SHPRH: variants seen among roughly 807,000 people sequenced by gnomAD.
SHPRH encodes the protein SNF2 histone linker PHD RING helicase, also known as E3 ubiquitin-protein ligase SHPRH.
A neutral mutation model predicts 202.5 loss-of-function variants in SHPRH; 106 were observed. The observed-to-expected ratio is 0.52, with a 90% CI of 0.45 to 0.62. The LOEUF (loss-of-function observed/expected upper bound fraction) is 0.62, where lower values mean the gene tolerates loss of function less well. Among genes scored for constraint, SHPRH ranks in the 20% least tolerant of loss-of-function variants. SHPRH has a pLI of 0.00. For missense variants in SHPRH, 1,710 were observed against 2,020.0 expected, an observed-to-expected ratio of 0.85 and a Z score of 2.94; for synonymous variants, 729 against 686.0, an observed-to-expected ratio of 1.06 and a Z score of -0.98.
chr6:145,873,869 T>C (rs963858220), intron 2 of SHPRH, among the ~76,000 whole-genome samples: 9 of 152,114 alleles, frequency 5.9e-5, no homozygotes, highest in Non-Finnish European at 1.3e-4. Context: ...AAAATTAATA[T>C]CACAAAGTGA....
chr6:145,901,665 T>G, intron 25 of SHPRH, among the ~76,000 whole-genome samples: 1 of 152,130 alleles, frequency 6.6e-6, no homozygotes, highest in East Asian at 1.9e-4. Context: ...TAGGGAAGAC[T>G]GTACATGGGA....
chr6:145,899,842 G>A (rs1431923112), intron 25 of SHPRH, among the ~76,000 whole-genome samples: 1 of 151,990 alleles, frequency 6.6e-6, no homozygotes, highest in Non-Finnish European at 1.5e-5. Flanking sequence ...ATGGGCAAAG[G>A]ACCTGAAAAG....
intron 2 of SHPRH, among the ~76,000 whole-genome samples, chr6:145,878,249 C>T (rs375548100): frequency 1.6e-3 from 241 of 152,302 alleles, no homozygotes; most frequent in South Asian, 5.0e-3. Flanking sequence ...CACAACCTTT[C>T]CTACTATCAA....
chr6:145,926,416 T>C, intron 15 of SHPRH, 120 bp from the exon 16 acceptor site: 1 of 870,636 alleles, frequency 1.1e-6, no homozygotes, highest in Non-Finnish European at 1.8e-6. Flanking sequence ...ACCAAATACT[T>C]TTCCTATAAA....
chr6:145,940,699 A>G (rs1301639549), intron 11 of SHPRH, 24 bp downstream of exon 11: 3 of 1,608,548 alleles, frequency 1.9e-6, no homozygotes, highest in Non-Finnish European at 2.6e-6. Flanking sequence ...AATGCATGCA[A>G]TATGTGAGGA....
rs922405566 is a variant in SHPRH, at chr6:145,941,208, TTCTGTCC to T, written c.2490+408_2491-408del. 1.1e-3 allele frequency among the ~76,000 whole-genome samples: 167 copies of T among 152,294 alleles called. 1 individual carries two copies. The highest frequency in any genetic ancestry group is 3.9e-3 in the African/African-American group (164 of 41,570). ...ATGACATTCAAAGGCTGAATCAAAA[TTCTGTCC>T]TCTAAAGTAGTATTTTCTGTTACCA... On this transcript the variant is annotated intron_variant, in intron 10 of 29. Coordinates refer to ENST00000275233, the MANE Select transcript of SHPRH (RefSeq NM_001042683.3).
intron 11 of SHPRH, among the ~76,000 whole-genome samples, chr6:145,939,599 T>C (rs1316310882): frequency 6.6e-6 from 1 of 152,120 alleles, no homozygotes; most frequent in Non-Finnish European, 1.5e-5. Context: ...CAGCTAACTT[T>C]TGAGCTGGGT....
chr6:145,922,617 T>C, intron 19 of SHPRH, 46 bp downstream of exon 19: 2 of 1,533,604 alleles, frequency 1.3e-6, no homozygotes, highest in Non-Finnish European at 1.7e-6. Context: ...AAATCTAGCT[T>C]AAAGAAATGG....
rs182151362 is a variant in SHPRH, at chr6:145,955,144, C to T, written c.179G>A (p.Ser60Asn). The change falls in exon 2 of 30, where the codon AGT (serine) becomes AAT (asparagine). Residue 60 changes from serine to asparagine, a missense_variant. Ser to Asn is a conservative substitution (Grantham distance 46). Around this residue, in one of 8 missense-constraint regions of SHPRH, gnomAD observed 459 missense variants for 426.5 expected, o/e 1.08. Transcript: ENST00000275233. ...TCTGTGAGCCACTTCTTCCTTTAGA[C>T]TATCACTTAGAATGATATAATGAGC... ...SSAHYIILSD[S>N]LKEEVAHRDK... 1,954 of 1,613,786 alleles carry T rather than the reference C, an allele frequency of 1.2e-3. 11 individuals are homozygous for T. The African/African-American group carries it at 0.014, about 12-fold the overall frequency.
chr6:145,952,573 A>G, intron 2 of SHPRH, 95 bp from the exon 3 acceptor site: 3 of 1,195,174 alleles, frequency 2.5e-6, no homozygotes, highest in Non-Finnish European at 3.4e-6. Context: ...CACTACTTTT[A>G]AAGGTATTCA....
rs1348979634 is a variant in SHPRH at position 145,955,288 on chromosome 6, C to G, written c.35G>C (p.Arg12Thr). Residue 12 changes from arginine to threonine, a missense_variant, in exon 2 of 30, where the codon AGG (arginine) becomes ACG (threonine). By Grantham distance (71) the Arg-to-Thr change is moderately conservative. This residue lies in a region of SHPRH where 459 missense variants were observed against 426.5 expected (regional missense o/e 1.08). Transcript: ENST00000275233. ...SSRRKRAPPV[R>T]VDEEKRQQLH... ...CTGCTGCCTCTTTTCCTCATCTACC[C>G]TCACTGGAGGAGCACGTTTCCGTCG... 1 of 1,607,872 alleles carries G rather than the reference C, an allele frequency of 6.2e-7. No homozygotes were observed. The highest frequency in any genetic ancestry group is 2.2e-5 in the East Asian group (1 of 44,834).
intron 1 of SHPRH, among the ~76,000 whole-genome samples, chr6:145,957,386 G>A (rs540683069): frequency 6.6e-6 from 1 of 152,150 alleles, no homozygotes; most frequent in African/African-American, 2.4e-5. Context: ...AAATATTTTG[G>A]TTCTTCAAAA....
chr6:145,886,564 T>C lies in SHPRH; in HGVS notation c.*127A>G. 1 of 1,487,526 alleles carries C rather than the reference T, an allele frequency of 6.7e-7. No individual in the cohort carries two copies. The highest frequency in any genetic ancestry group is 2.4e-5 in the East Asian group (1 of 41,772). The allele number at this position is 1,487,526 out of a possible 1,614,324, so 92.1% of individuals were successfully genotyped here. The stretch of plus-strand genomic sequence containing the variant: ...CTAAGCCACTGTATAACCAGAACAA[T>C]AAACAAATTCATTCAACTAGGAACA... On this transcript the variant is annotated 3_prime_UTR_variant, in exon 30 of 30. Transcript: ENST00000275233.
At chr6:145,932,520 T>G (rs1296451298) in intron 14 of SHPRH, among the ~76,000 whole-genome samples, 2 of 152,138 alleles carry the variant, frequency 1.3e-5, no homozygotes, top group Admixed American at 6.5e-5. Context: ...TGTGTGTGTG[T>G]GGGAGGGTGT....
chr6:145,911,589 A>T (rs1583369485), intron 24 of SHPRH, among the ~76,000 whole-genome samples: 1 of 152,196 alleles, frequency 6.6e-6, no homozygotes, highest in Admixed American at 6.6e-5. Context: ...GCATCTTACA[A>T]ATGTAGTTTT....
chr6:145,892,906 T>C (rs1167113024), intron 28 of SHPRH, among the ~76,000 whole-genome samples: 1 of 152,086 alleles, frequency 6.6e-6, no homozygotes. Context: ...GTAGCTGTCT[T>C]AAGTATTTCT....
At chr6:145,909,346 G>A (rs919295117) in intron 25 of SHPRH, 2 of 152,076 alleles carry the variant, frequency 1.3e-5, no homozygotes, top group Admixed American at 6.6e-5. Context: ...CACTGCCTGT[G>A]TGCTAGTACG....
intron 25 of SHPRH, among the ~76,000 whole-genome samples, chr6:145,898,365 T>C (rs1782193697): frequency 6.6e-6 from 1 of 152,170 alleles, no homozygotes; most frequent in Admixed American, 6.6e-5. Flanking sequence ...CATATGTTCA[T>C]GAACTGAACT....
At chr6:145,962,236 G>C (rs554249340) in intron 1 of SHPRH, among the ~76,000 whole-genome samples, 1 of 152,338 alleles carries the variant, frequency 6.6e-6, no homozygotes, top group Admixed American at 6.5e-5. Context: ...CCAACTGCTA[G>C]AGTGTTCACT....
Sources: allele counts gnomAD v4.1 joint callset (sites outside exome capture counted in the v4.1 genomes callset), GRCh38; gene constraint gnomAD v4.1.1; regional missense constraint gnomAD v4.1.1; transcripts MANE v1.5; gene names NCBI Gene and HGNC (gene_info 2026-07-23, HGNC 2026-07-21).